Variants in FAT3 observed in about 807,000 individuals in gnomAD.
FAT3 encodes FAT atypical cadherin 3, also known as protocadherin Fat 3.
FAT3 carries 95 observed loss-of-function variants against 310.2 expected under a neutral mutation model. That is an observed-to-expected ratio of 0.31 (90% CI 0.26 to 0.36). The LOEUF is 0.36. Among genes scored for constraint, FAT3 ranks in the 10% least tolerant of loss-of-function variants. FAT3 has a pLI of 1.00. For synonymous variants in FAT3, 2,314 were observed against 2,192.9 expected, an observed-to-expected ratio of 1.06 and a Z score of -1.54; for missense variants, 5,408 against 5,715.6, an observed-to-expected ratio of 0.95 and a Z score of 1.74.
At chr11:92,768,892 T>TA (rs1224272281) in intron 6 of FAT3, among the ~76,000 whole-genome samples, 1 of 152,194 alleles carries the variant, frequency 6.6e-6, no homozygotes. Flanking sequence ...GACACTGAGT[T>TA]ACAGAGAAGA....
intron 6 of FAT3, among the ~76,000 whole-genome samples, chr11:92,771,831 A>G (rs1275693980): frequency 6.6e-6 from 1 of 152,012 alleles, no homozygotes; most frequent in Non-Finnish European, 1.5e-5. Context: ...GAAAAAGCAC[A>G]CACTCTATAT....
At chr11:92,810,951 A>G (rs1442883926) in intron 13 of FAT3, among the ~76,000 whole-genome samples, 1 of 152,232 alleles carries the variant, frequency 6.6e-6, no homozygotes, top group Non-Finnish European at 1.5e-5. Flanking sequence ...TTAATTCTGA[A>G]TTGAAAGAAA....
At chr11:92,359,107 G>C (rs1424388014) in intron 2 of FAT3, among the ~76,000 whole-genome samples, 1 of 152,088 alleles carries the variant, frequency 6.6e-6, no homozygotes, top group African/African-American at 2.4e-5. Flanking sequence ...GGTCTGGAGT[G>C]GGAGCCCGGG....
At chr11:92,661,507 A>C (rs111685033) in intron 3 of FAT3, among the ~76,000 whole-genome samples, 2 of 151,798 alleles carry the variant, frequency 1.3e-5, no homozygotes, top group African/African-American at 4.8e-5. Context: ...AGACAGTTTC[A>C]CATGTGGAAT....
chr11:92,882,997 C>G lies in FAT3; in HGVS notation c.12541C>G (p.Arg4181Gly), dbSNP rs1012397377. Residue 4181 changes from arginine (R) to glycine (G), a missense_variant, in exon 24 of 28, where the codon CGC becomes GGC. Arg to Gly is a moderately radical substitution (Grantham distance 125, BLOSUM62 -2). Coordinates refer to ENST00000525166, the MANE Select transcript of FAT3 (RefSeq NM_001367949.2). ...CATAGTCTTCCGCAAGAAGGTCTTC[C>G]GCAAGAACTACTCCCGCAACAACAT... ...LFIVFRKKVFRKNYSRNNITL... is the reference protein window; with the variant it reads ...LFIVFRKKVFGKNYSRNNITL... 1 of 1,613,924 alleles carries G rather than the reference C, an allele frequency of 6.2e-7. No homozygotes were observed.
intron 4 of FAT3, among the ~76,000 whole-genome samples, chr11:92,715,000 G>A (rs1390052782): frequency 6.6e-6 from 1 of 151,804 alleles, no homozygotes; most frequent in South Asian, 2.1e-4. Flanking sequence ...TAGTTTATGG[G>A]GTATGGGTTG....
intron 3 of FAT3, among the ~76,000 whole-genome samples, chr11:92,584,706 T>C (rs1444608189): frequency 1.3e-5 from 2 of 152,088 alleles, no homozygotes; most frequent in African/African-American, 2.4e-5. Flanking sequence ...GCATATATTT[T>C]AGTCCTTTGA....
intron 25 of FAT3, among the ~76,000 whole-genome samples, chr11:92,888,280 T>A (rs952375879): frequency 2.6e-5 from 4 of 152,168 alleles, no homozygotes; most frequent in Middle Eastern, 3.2e-3. Context: ...CCCAGATCTG[T>A]CTGCCTTGAT....
intron 2 of FAT3, among the ~76,000 whole-genome samples, chr11:92,414,058 C>T (rs1277385081): frequency 5.9e-5 from 9 of 152,102 alleles, no homozygotes; most frequent in Non-Finnish European, 1.0e-4. Flanking sequence ...CTGCCTTATG[C>T]GCCCTTCTTT....
chr11:92,521,229 T>G (rs1233705891), intron 2 of FAT3, among the ~76,000 whole-genome samples: 2 of 152,056 alleles, frequency 1.3e-5, no homozygotes, highest in Non-Finnish European at 2.9e-5. Flanking sequence ...ACTGAAAAAC[T>G]TCCTTGATTT....
intron 1 of FAT3, among the ~76,000 whole-genome samples, chr11:92,322,883 C>G (rs1051253583): frequency 1.3e-5 from 2 of 152,106 alleles, no homozygotes; most frequent in East Asian, 3.9e-4. Context: ...ATGAGGGTTA[C>G]AATTAACTTT....
intron 7 of FAT3, among the ~76,000 whole-genome samples, chr11:92,783,934 A>G (rs1006028621): frequency 2.0e-5 from 3 of 152,236 alleles, no homozygotes; most frequent in Non-Finnish European, 2.9e-5. Context: ...TCATGAAAAG[A>G]GAATGGAATC....
At chr11:92,817,908 G>T (rs1947863633) in intron 13 of FAT3, among the ~76,000 whole-genome samples, 1 of 152,172 alleles carries the variant, frequency 6.6e-6, no homozygotes, top group Non-Finnish European at 1.5e-5. Context: ...GACTTAGGAA[G>T]AAAAGCTTGG....
At chr11:92,725,939 A>G (rs780400131) in intron 4 of FAT3, among the ~76,000 whole-genome samples, 1 of 152,258 alleles carries the variant, frequency 6.6e-6, no homozygotes. Flanking sequence ...TTAAAAATTT[A>G]TCATTTAAAA....
intron 4 of FAT3, among the ~76,000 whole-genome samples, chr11:92,727,340 G>A (rs1591653656): frequency 6.6e-6 from 1 of 152,118 alleles, no homozygotes; most frequent in Admixed American, 6.5e-5. Context: ...TGGTGATTGA[G>A]ACAGACATTG....
At chr11:92,327,272 A>C (rs1022207089) in intron 1 of FAT3, among the ~76,000 whole-genome samples, 1 of 151,958 alleles carries the variant, frequency 6.6e-6, no homozygotes, top group Non-Finnish European at 1.5e-5. Flanking sequence ...AGTCAGAGCC[A>C]TGGAATCAGA....
chr11:92,642,941 T>C (rs1942017152), intron 3 of FAT3, among the ~76,000 whole-genome samples: 1 of 152,278 alleles, frequency 6.6e-6, no homozygotes, highest in Middle Eastern at 3.4e-3. Flanking sequence ...CTGGGCTTTG[T>C]CCATGCCATC....
intron 4 of FAT3, among the ~76,000 whole-genome samples, chr11:92,742,279 CA>C (rs772137563): frequency 2.6e-5 from 4 of 152,146 alleles, no homozygotes; most frequent in Non-Finnish European, 4.4e-5. Flanking sequence ...CATAAAGGGA[CA>C]AACAGTACAG....
chr11:92,664,184 T>C (rs1942884042), intron 3 of FAT3, among the ~76,000 whole-genome samples: 3 of 152,234 alleles, frequency 2.0e-5, no homozygotes, highest in Admixed American at 2.0e-4. Flanking sequence ...CTGGATTCTT[T>C]CCTTTGTTGC....
Sources: gnomAD v4.1 joint callset for allele counts (sites outside exome capture counted in the v4.1 genomes callset) on GRCh38, gnomAD v4.1.1 for gene constraint, MANE v1.5 for transcripts, NCBI Gene and HGNC (gene_info 2026-07-23, HGNC 2026-07-21) for gene names.